RASEF: variants seen among roughly 807,000 people sequenced by gnomAD.
RASEF encodes RAS and EF-hand domain containing.
RASEF carries 68 observed loss-of-function variants against 90.1 expected under a neutral mutation model. That is an observed-to-expected ratio of 0.75 (90% CI 0.62 to 0.92). RASEF has a LOEUF of 0.92. RASEF is among the 40% of genes least tolerant of loss of function. The pLI, the probability that RASEF is intolerant of heterozygous loss-of-function variation, is 0.00. For synonymous variants in RASEF, 331 were observed against 345.2 expected (o/e 0.96, Z 0.46); for missense variants, 949 against 937.2 (o/e 1.01, Z -0.16).
In RASEF at chr9:83,007,490, G is replaced by A. The variant is rs1657456320; in HGVS notation, c.975C>T (p.Ile325=). 6.2e-7 allele frequency: 1 copy of A among 1,612,760 alleles called. No individual in the cohort carries two copies. Among genetic ancestry groups the A allele is most frequent in the Non-Finnish European group, 8.5e-7 (1 of 1,178,834 alleles). The change falls in exon 7 of 17, where the codon ATC becomes ATT. Residue 325 remains isoleucine (I), a synonymous_variant. Coordinates refer to ENST00000376447, the MANE Select transcript of RASEF (RefSeq NM_152573.4). ...TATTTCGATCTTCTGTGTATGCTCG[G>A]ATTATTTCCAGATCCCTGTAAAATT... ...SLNTERDLEI[I]RAYTEDRNSL... is the part of the protein sequence containing the mutation.
At chr9:83,131,051 T>C in the RASEF span, among the ~76,000 whole-genome samples, 4 of 152,178 alleles carry the variant, frequency 2.6e-5, no homozygotes, top group African/African-American at 7.2e-5. Context: ...TAGCTCCTAG[T>C]TCCTCATGTG....
chr9:83,071,390 G>A, the RASEF span, among the ~76,000 whole-genome samples: 1 of 151,844 alleles, frequency 6.6e-6, no homozygotes, highest in South Asian at 2.1e-4. Flanking sequence ...TGTTGTTTTT[G>A]CTCTTTCATT....
At chr9:83,029,894 T>A (rs566258082) in intron 1 of RASEF, among the ~76,000 whole-genome samples, 1 of 152,352 alleles carries the variant, frequency 6.6e-6, no homozygotes, top group South Asian at 2.1e-4. Context: ...CTGGTTGCAA[T>A]AGTAAGCCAT....
the RASEF span, among the ~76,000 whole-genome samples, chr9:83,136,744 A>G: frequency 0.034 from 5,182 of 152,194 alleles, 298 homozygotes; most frequent in African/African-American, 0.12. Context: ...TTTGTATTAC[A>G]TATCTATTAT....
chr9:83,029,393 CTTTTT>C (rs869144602), intron 1 of RASEF, among the ~76,000 whole-genome samples: 1 of 134,806 alleles, frequency 7.4e-6, no homozygotes, highest in Non-Finnish European at 1.6e-5. Context: ...GACTTGCCTT[CTTTTT>C]TTTTTTTTTT....
At chr9:83,135,303 C>T in the RASEF span, among the ~76,000 whole-genome samples, 1 of 151,956 alleles carries the variant, frequency 6.6e-6, no homozygotes, top group African/African-American at 2.4e-5. Context: ...ACAATGAGAA[C>T]ACTTGGACAC....
chr9:83,155,454 G>T, the RASEF span, among the ~76,000 whole-genome samples: 1 of 152,244 alleles, frequency 6.6e-6, no homozygotes, highest in East Asian at 1.9e-4. Context: ...CAAGCAAAAT[G>T]GATTTCCCCC....
At chr9:82,990,354 GA>G in intron 16 of RASEF, 36 bp downstream of exon 16, 1 of 1,487,518 alleles carries the variant, frequency 6.7e-7, no homozygotes, top group Non-Finnish European at 9.4e-7. Flanking sequence ...TGCAACAAGC[GA>G]AAATTCAATC....
the RASEF span, among the ~76,000 whole-genome samples, chr9:83,078,987 C>T: frequency 6.6e-6 from 1 of 152,044 alleles, no homozygotes; most frequent in African/African-American, 2.4e-5. Context: ...ATATTTTCTC[C>T]CATTCTGTAG....
At chr9:83,001,378 A>C (rs1829038554) in intron 9 of RASEF, among the ~76,000 whole-genome samples, 2 of 152,160 alleles carry the variant, frequency 1.3e-5, no homozygotes, top group Non-Finnish European at 2.9e-5. Flanking sequence ...TTAAAAAAAT[A>C]ATGTTCTTTA....
the RASEF span, among the ~76,000 whole-genome samples, chr9:83,075,416 T>C: frequency 1.3e-5 from 2 of 152,190 alleles, no homozygotes; most frequent in African/African-American, 2.4e-5. Context: ...GGTTTATACA[T>C]TATAAATAAT....
At chr9:83,154,624 G>A in the RASEF span, among the ~76,000 whole-genome samples, 1 of 152,152 alleles carries the variant, frequency 6.6e-6, no homozygotes, top group Non-Finnish European at 1.5e-5. Context: ...AGCACAAAGA[G>A]TCAGAGCATG....
the RASEF span, among the ~76,000 whole-genome samples, chr9:83,208,146 T>C: frequency 6.6e-6 from 1 of 152,144 alleles, no homozygotes; most frequent in Non-Finnish European, 1.5e-5. Context: ...GATGGGGTCG[T>C]CACCTCTGCA....
the RASEF span, among the ~76,000 whole-genome samples, chr9:83,092,664 G>T: frequency 6.6e-6 from 1 of 152,170 alleles, no homozygotes; most frequent in Non-Finnish European, 1.5e-5. Flanking sequence ...CTTCCACTGT[G>T]TGGAAGGGGA....
chr9:83,101,196 T>C, the RASEF span, among the ~76,000 whole-genome samples: 5 of 152,148 alleles, frequency 3.3e-5, no homozygotes, highest in Admixed American at 6.5e-5. Context: ...TGGAGACCAC[T>C]GAAAAAGTCA....
the RASEF span, among the ~76,000 whole-genome samples, chr9:83,148,034 C>A: frequency 1.3e-5 from 2 of 151,990 alleles, no homozygotes; most frequent in Non-Finnish European, 2.9e-5. Flanking sequence ...GAGGCTATGG[C>A]AGGCCAAAAG....
intron 1 of RASEF, among the ~76,000 whole-genome samples, chr9:83,058,752 T>C (rs577356897): frequency 1.4e-4 from 22 of 152,220 alleles, no homozygotes; most frequent in African/African-American, 5.3e-4. Context: ...GCCTTTCCTC[T>C]TGAGTTTAAT....
the RASEF span, among the ~76,000 whole-genome samples, chr9:83,124,114 A>G: frequency 6.6e-6 from 1 of 152,160 alleles, no homozygotes; most frequent in Non-Finnish European, 1.5e-5. Context: ...ATGTTGTAGC[A>G]TGTGTTCGAA....
intron 16 of RASEF, among the ~76,000 whole-genome samples, chr9:82,984,488 A>G (rs896432410): frequency 1.7e-4 from 26 of 152,332 alleles, no homozygotes; most frequent in African/African-American, 6.0e-4. Flanking sequence ...TTCTAGCTAT[A>G]GGACAGCTGG....
Sources: allele counts gnomAD v4.1 joint callset (sites outside exome capture counted in the v4.1 genomes callset), GRCh38; gene constraint gnomAD v4.1.1; transcripts MANE v1.5; gene names NCBI Gene and HGNC (gene_info 2026-07-23, HGNC 2026-07-21).